COL21A1: variants seen among roughly 807,000 people sequenced by gnomAD.
The protein encoded by COL21A1 is collagen alpha-1(XXI) chain.
Under a neutral mutation model 137.9 loss-of-function variants are expected in COL21A1, and 149 were observed. The observed-to-expected ratio is 1.08, with a 90% confidence interval of 0.95 to 1.24. The LOEUF is 1.24. Among genes scored for constraint, COL21A1 ranks in the 50% most tolerant of loss-of-function variants. The pLI is 0.00. For synonymous variants in COL21A1, 456 were observed against 391.5 expected (o/e 1.16, Z -1.95); for missense variants, 1,167 against 1,158.4 (o/e 1.01, Z -0.11).
At position 56,170,581 on chromosome 6, in the gene COL21A1, A is replaced by G. The variant is rs1278012888; in HGVS notation, c.1026+68T>C. ...TAAAATTATAGCCCTCTTTTCCCCA[A>G]CACACATAAACCCAATAGTGCTTCC... On this transcript the variant is annotated intron_variant, in intron 5 of 29. Transcript: ENST00000244728. The G allele has an allele frequency of 2.4e-5, 25 of 1,025,416 alleles. 1 individual carries two copies. The Admixed American group carries it at 6.4e-4, about 26-fold the overall frequency. 63.5% of individuals were successfully genotyped at this position (1,025,416 alleles called of 1,614,324 possible). A position where few individuals can be genotyped will look rare whatever the true frequency, so the allele number is the denominator to read the frequency against.
chr6:56,098,777 G>A (rs138897728), intron 17 of COL21A1, among the ~76,000 whole-genome samples: 2,049 of 136,258 alleles, frequency 0.015, 56 homozygotes, highest in Middle Eastern at 0.04. Flanking sequence ...GTGCAGTAGC[G>A]CGATCTTGGC....
chr6:56,164,090 ACAAATGCC>A (rs1378832661), intron 9 of COL21A1, among the ~76,000 whole-genome samples: 2 of 152,216 alleles, frequency 1.3e-5, no homozygotes, highest in Non-Finnish European at 2.9e-5. Flanking sequence ...CCATGTCTTC[ACAAATGCC>A]CTTTCTTCAT....
chr6:56,137,333 G>A (rs1011277), intron 12 of COL21A1, among the ~76,000 whole-genome samples: 86,107 of 151,878 alleles, frequency 0.57, 24,732 homozygotes, highest in East Asian at 0.79. Context: ...AGTAAAAACC[G>A]TGAAAGCACC....
At chr6:56,210,130 T>G (rs962759087) in intron 1 of COL21A1, among the ~76,000 whole-genome samples, 2 of 151,670 alleles carry the variant, frequency 1.3e-5, no homozygotes, top group Non-Finnish European at 2.9e-5. Context: ...GGGGGAGGGG[T>G]AGCATTAGGA....
intron 1 of COL21A1, among the ~76,000 whole-genome samples, chr6:56,281,599 G>T (rs565110154): frequency 1.3e-5 from 2 of 152,190 alleles, no homozygotes; most frequent in African/African-American, 4.8e-5. Flanking sequence ...TTGCATAGTG[G>T]ATGAATGTTT....
chr6:56,161,464 ATAGG>A, intron 9 of COL21A1, among the ~76,000 whole-genome samples: 1 of 152,240 alleles, frequency 6.6e-6, no homozygotes, highest in East Asian at 1.9e-4. Flanking sequence ...CGCGTTCCAT[ATAGG>A]TTAAATGGGG....
chr6:56,161,433 A>T (rs1416770784), intron 9 of COL21A1, among the ~76,000 whole-genome samples: 6 of 152,094 alleles, frequency 3.9e-5, no homozygotes, highest in Non-Finnish European at 7.4e-5. Flanking sequence ...GTGGACCTGG[A>T]TCTTTCTCGC....
intron 17 of COL21A1, among the ~76,000 whole-genome samples, chr6:56,086,130 G>A (rs539887188): frequency 1.3e-5 from 2 of 151,930 alleles, no homozygotes; most frequent in East Asian, 3.9e-4. Flanking sequence ...TTATGCCTCT[G>A]CTTAAAAACC....
chr6:56,059,206 C>G lies in COL21A1; in HGVS notation c.2645G>C (p.Gly882Ala), dbSNP rs756445035. ...ACCTTGTTCTCCAGGATACCCAAAC[C>G]CTTGGCTCCCTTTTTCCCCATTTCT... The part of the protein sequence containing the change: ...PGRNGEKGSQ[G>A]FGYPGEQGPP... The change falls in exon 29 of 30, where the codon GGG (glycine) becomes GCG (alanine). Residue 882 changes from glycine to alanine, a missense_variant. Coordinates refer to ENST00000244728, the MANE Select transcript of COL21A1 (RefSeq NM_030820.4). 1 of 1,608,292 alleles carries G rather than the reference C, an allele frequency of 6.2e-7. No individual in the cohort carries two copies. The highest frequency in any genetic ancestry group is 1.3e-5 in the African/African-American group (1 of 74,526).
At chr6:56,172,313 G>A (rs1263725638) in intron 3 of COL21A1, among the ~76,000 whole-genome samples, 2 of 152,162 alleles carry the variant, frequency 1.3e-5, no homozygotes, top group African/African-American at 4.8e-5. Flanking sequence ...AGGGAACCTT[G>A]ATAAGACTAT....
intron 1 of COL21A1, among the ~76,000 whole-genome samples, chr6:56,269,855 A>T (rs1171531537): frequency 1.3e-5 from 2 of 152,140 alleles, no homozygotes; most frequent in Non-Finnish European, 2.9e-5. Context: ...AAGGAGAAAT[A>T]AAATCCTTCT....
In COL21A1 at chr6:56,114,921, C is replaced by G. The variant is rs571357851; in HGVS notation, c.1758+9141G>C. On this transcript the variant is annotated intron_variant, in intron 16 of 29. Transcript: ENST00000244728. ...CACAATAGCAAAGACTTGGAACCAA[C>G]CCAAATGTCCAACAATGATAGACTG... Among the ~76,000 whole-genome samples, 229 of 148,614 alleles carry G rather than the reference C, an allele frequency of 1.5e-3. 1 individual carries two copies. Among genetic ancestry groups the G allele is most frequent in the African/African-American group, 5.4e-3 (217 of 40,418 alleles).
intron 3 of COL21A1, among the ~76,000 whole-genome samples, chr6:56,173,104 C>T (rs1777190300): frequency 6.6e-6 from 1 of 152,072 alleles, no homozygotes; most frequent in African/African-American, 2.4e-5. Flanking sequence ...CATAGAGAGA[C>T]TGAATGGTTT....
At chr6:56,321,237 TG>T (rs1396582762) in intron 1 of COL21A1, among the ~76,000 whole-genome samples, 1 of 152,162 alleles carries the variant, frequency 6.6e-6, no homozygotes, top group Non-Finnish European at 1.5e-5. Context: ...CAAGAATTTT[TG>T]TATACTGACC....
At chr6:56,276,019 C>T (rs1482785784) in intron 1 of COL21A1, among the ~76,000 whole-genome samples, 1 of 152,198 alleles carries the variant, frequency 6.6e-6, no homozygotes, top group African/African-American at 2.4e-5. Context: ...GGTATATACA[C>T]ACCACAGAAT....
chr6:56,202,150 T>C (rs887434777), intron 1 of COL21A1, among the ~76,000 whole-genome samples: 3 of 152,126 alleles, frequency 2.0e-5, no homozygotes, highest in Non-Finnish European at 4.4e-5. Flanking sequence ...GTTTTTACTC[T>C]TTCCAAAGAA....
At chr6:56,126,472 A>G (rs12194051) in intron 12 of COL21A1, 35,816 of 233,242 alleles carry the variant, frequency 0.15, 2,783 homozygotes, top group Middle Eastern at 0.21. Flanking sequence ...AAATGATCTA[A>G]TCCCAACACA....
At chr6:56,067,569 C>T (rs1414049387) in intron 22 of COL21A1, among the ~76,000 whole-genome samples, 2 of 151,704 alleles carry the variant, frequency 1.3e-5, no homozygotes, top group African/African-American at 4.8e-5. Context: ...AATTTCACCA[C>T]AATCTTTAAT....
intron 1 of COL21A1, among the ~76,000 whole-genome samples, chr6:56,331,391 C>T (rs906417239): frequency 5.3e-5 from 8 of 151,862 alleles, no homozygotes; most frequent in African/African-American, 1.9e-4. Context: ...AGATTTTCTT[C>T]CAGCAATTTA....
Sources: allele counts gnomAD v4.1 joint callset (sites outside exome capture counted in the v4.1 genomes callset), GRCh38; gene constraint gnomAD v4.1.1; transcripts MANE v1.5; gene names NCBI Gene and HGNC (gene_info 2026-07-23, HGNC 2026-07-21).